The following C1orf141 variants were observed in gnomAD, a reference collection of about 807,000 sequenced individuals.
C1orf141 encodes uncharacterized protein C1orf141.
A neutral mutation model predicts 23.2 loss-of-function variants in C1orf141; 19 were observed. That is an observed-to-expected ratio of 0.82 (90% CI 0.57 to 1.20). The LOEUF (loss-of-function observed/expected upper bound fraction) is 1.20, where lower values mean the gene tolerates loss of function less well. C1orf141 is among the 50% of genes most tolerant of loss of function. C1orf141 has a pLI of 0.00. For missense variants in C1orf141, 469 were observed against 455.1 expected (o/e 1.03, Z -0.28); for synonymous variants, 153 against 154.6 (o/e 0.99, Z 0.08).
chr1:67,107,686 C>G (rs147580530), intron 5 of C1orf141, among the ~76,000 whole-genome samples: 1 of 152,180 alleles, frequency 6.6e-6, no homozygotes, highest in African/African-American at 2.4e-5. Context: ...GTGGGGAGTT[C>G]GAGACCAGCC....
intron 5 of C1orf141, among the ~76,000 whole-genome samples, chr1:67,101,878 T>C (rs1645808493): frequency 6.6e-6 from 1 of 152,092 alleles, no homozygotes; most frequent in Admixed American, 6.6e-5. Flanking sequence ...TGTCGCTGCT[T>C]TGAGGGAACA....
At chr1:67,128,734 T>C (rs1369580921) in intron 2 of C1orf141, among the ~76,000 whole-genome samples, 1 of 152,130 alleles carries the variant, frequency 6.6e-6, no homozygotes, top group African/African-American at 2.4e-5. Context: ...TAGATGACCA[T>C]GCATTCAGTA....
At chr1:67,103,202 T>A in intron 5 of C1orf141, 1 of 1,219,322 alleles carries the variant, frequency 8.2e-7, no homozygotes, top group Non-Finnish European at 1.1e-6. Flanking sequence ...GCAGATAACT[T>A]TCAGTTATTT....
In C1orf141 at chr1:67,133,385, A is replaced by G. The variant is rs563616769; in HGVS notation, c.-104+1545T>C. On this transcript the variant is annotated intron_variant, in intron 1 of 7. Coordinates refer to ENST00000684719, the MANE Select transcript of C1orf141 (RefSeq NM_001276351.2). ...ACACTCTTATCTGACACAGTCCACT[A>G]CTGAGACCACAGTAGGGACTCACTT... is the stretch of plus-strand genomic sequence containing the variant. Among the ~76,000 whole-genome samples the G allele has an allele frequency of 2.6e-5, 4 of 152,358 alleles. No individual in the cohort carries two copies. In the South Asian group the frequency reaches 8.3e-4, roughly 32 times the overall value.
At chr1:67,129,625 T>C (rs1238885999) in intron 2 of C1orf141, among the ~76,000 whole-genome samples, 1 of 152,122 alleles carries the variant, frequency 6.6e-6, no homozygotes, top group Non-Finnish European at 1.5e-5. Context: ...GGTACCTAAC[T>C]AAAACACAGT....
At chr1:67,130,215 T>C (rs923537724) in intron 2 of C1orf141, among the ~76,000 whole-genome samples, 3 of 152,184 alleles carry the variant, frequency 2.0e-5, no homozygotes, top group Admixed American at 1.3e-4. Flanking sequence ...TTAAACATAA[T>C]ATGAGTTCAA....
chr1:67,125,946 A>AG, intron 3 of C1orf141, 37 bp from the exon 4 acceptor site: 4 of 1,493,120 alleles, frequency 2.7e-6, no homozygotes, highest in Non-Finnish European at 3.6e-6. Flanking sequence ...AAAAAAAAAA[A>AG]AGAGTACTTT....
intron 2 of C1orf141, among the ~76,000 whole-genome samples, chr1:67,129,939 T>C (rs1198601507): frequency 2.0e-5 from 3 of 152,218 alleles, no homozygotes; most frequent in Non-Finnish European, 4.4e-5. Flanking sequence ...TATGCCCTAA[T>C]TGCAATTATT....
intron 4 of C1orf141, chr1:67,123,522 T>A (rs1646342147): frequency 6.6e-6 from 1 of 152,174 alleles, no homozygotes; most frequent in Non-Finnish European, 1.5e-5. Flanking sequence ...ATAACTAAAT[T>A]ATAAATTCTG....
intron 6 of C1orf141, chr1:67,096,019 A>G (rs1645672266): frequency 6.5e-6 from 2 of 306,782 alleles, no homozygotes; most frequent in South Asian, 2.1e-4. Flanking sequence ...GTATTTACTA[A>G]AAAAAAAAAT....
chr1:67,096,121 A>T (rs1246648815), intron 6 of C1orf141, 131 bp downstream of exon 6: 1 of 585,746 alleles, frequency 1.7e-6, no homozygotes, highest in Non-Finnish European at 3.0e-6. Flanking sequence ...GCAGTCTTGG[A>T]CCATTCATTG....
intron 1 of C1orf141, among the ~76,000 whole-genome samples, chr1:67,140,399 T>A (rs554611696): frequency 6.9e-4 from 105 of 152,284 alleles, no homozygotes; most frequent in Middle Eastern, 3.4e-3. Context: ...TGAAAAAGAA[T>A]GTATGCTGAA....
intron 5 of C1orf141, among the ~76,000 whole-genome samples, chr1:67,104,063 C>T (rs189185620): frequency 4.6e-5 from 7 of 151,984 alleles, no homozygotes; most frequent in African/African-American, 1.7e-4. Flanking sequence ...AGGTATATGA[C>T]AAAAGTCTAG....
At chr1:67,095,971 A>G (rs909986182) in intron 6 of C1orf141, 7 of 229,574 alleles carry the variant, frequency 3.0e-5, no homozygotes, top group Non-Finnish European at 6.0e-5. Context: ...AAGAAAAGCT[A>G]CTTTTTCATG....
intron 4 of C1orf141, among the ~76,000 whole-genome samples, chr1:67,120,391 T>C (rs1349754358): frequency 6.6e-6 from 1 of 152,132 alleles, no homozygotes; most frequent in Non-Finnish European, 1.5e-5. Context: ...TTAAGAATTT[T>C]GGATCTATTG....
intron 1 of C1orf141, among the ~76,000 whole-genome samples, chr1:67,134,137 G>A (rs892717358): frequency 5.9e-5 from 9 of 152,098 alleles, no homozygotes; most frequent in African/African-American, 2.2e-4. Context: ...CCCAGTAGGT[G>A]GGACTACAGG....
intron 5 of C1orf141, among the ~76,000 whole-genome samples, chr1:67,107,695 C>A (rs1645962874): frequency 6.6e-6 from 1 of 152,104 alleles, no homozygotes; most frequent in Admixed American, 6.6e-5. Flanking sequence ...TCGAGACCAG[C>A]CTGACCAACG....
chr1:67,099,738 T>C (rs1645757226), intron 5 of C1orf141, among the ~76,000 whole-genome samples: 1 of 152,174 alleles, frequency 6.6e-6, no homozygotes, highest in South Asian at 2.1e-4. Context: ...GTTGCGCCAT[T>C]GCACTCCAGC....
chr1:67,106,500 G>GA (rs998150406), intron 5 of C1orf141, among the ~76,000 whole-genome samples: 15 of 150,884 alleles, frequency 9.9e-5, no homozygotes, highest in African/African-American at 2.4e-4. Flanking sequence ...TACAAAAAAA[G>GA]AAAAAAAAAT....
Sources: gnomAD v4.1 joint callset for allele counts (sites outside exome capture counted in the v4.1 genomes callset) on GRCh38, gnomAD v4.1.1 for gene constraint, MANE v1.5 for transcripts, NCBI Gene and HGNC (gene_info 2026-07-23, HGNC 2026-07-21) for gene names.